SBF2: variants seen among roughly 807,000 people sequenced by gnomAD.
SBF2 encodes SET binding factor 2.
SBF2 carries 112 observed loss-of-function variants against 225.2 expected under a neutral mutation model. The ratio of observed to expected loss-of-function variants is 0.50; its 90% CI spans 0.43 to 0.58. The LOEUF (loss-of-function observed/expected upper bound fraction) is 0.58. Among genes scored for constraint, SBF2 ranks in the 20% least tolerant of loss-of-function variants. SBF2 has a pLI of 0.00. For synonymous variants in SBF2, 763 were observed against 773.3 expected, an observed-to-expected ratio of 0.99 and a Z score of 0.22; for missense variants, 1,996 against 2,206.2, an observed-to-expected ratio of 0.90 and a Z score of 1.91.
intron 31 of SBF2, 61 bp from the exon 32 acceptor site, chr11:9,808,246 G>A: frequency 7.1e-7 from 1 of 1,413,924 alleles, no homozygotes; most frequent in Non-Finnish European, 9.9e-7. Flanking sequence ...CTATTACTAA[G>A]ATAAAAGCAC....
intron 16 of SBF2, among the ~76,000 whole-genome samples, chr11:9,947,986 A>G (rs988993275): frequency 3.3e-5 from 5 of 152,218 alleles, no homozygotes; most frequent in Non-Finnish European, 4.4e-5. Flanking sequence ...TTGCATACTC[A>G]TGTTCATAGC....
intron 2 of SBF2, among the ~76,000 whole-genome samples, chr11:10,140,294 T>C (rs1409781746): frequency 6.6e-6 from 1 of 152,172 alleles, no homozygotes; most frequent in Non-Finnish European, 1.5e-5. Context: ...GAACCAACAA[T>C]ATGATTAGAG....
intron 26 of SBF2, among the ~76,000 whole-genome samples, chr11:9,836,772 A>G (rs770305536): frequency 3.3e-5 from 5 of 152,148 alleles, no homozygotes; most frequent in Non-Finnish European, 5.9e-5. Flanking sequence ...TATTCCATGT[A>G]GAGGTCTTGC....
At chr11:9,921,853 AC>A (rs1863657009) in intron 16 of SBF2, among the ~76,000 whole-genome samples, 1 of 152,230 alleles carries the variant, frequency 6.6e-6, no homozygotes, top group African/African-American at 2.4e-5. Flanking sequence ...AAGCAGGCTT[AC>A]CTATAGCTAA....
At chr11:10,216,350 CTGA>C in intron 1 of SBF2, among the ~76,000 whole-genome samples, 1 of 152,338 alleles carries the variant, frequency 6.6e-6, no homozygotes, top group South Asian at 2.1e-4. Context: ...CTCTCACCAA[CTGA>C]TGTTACCTAG....
chr11:10,283,525 A>C (rs888008894), intron 1 of SBF2, among the ~76,000 whole-genome samples: 1 of 152,174 alleles, frequency 6.6e-6, no homozygotes, highest in Non-Finnish European at 1.5e-5. Context: ...AAACAGACTG[A>C]TATGAAAAAA....
At chr11:10,144,251 G>C (rs985361927) in intron 2 of SBF2, among the ~76,000 whole-genome samples, 1 of 152,162 alleles carries the variant, frequency 6.6e-6, no homozygotes, top group Non-Finnish European at 1.5e-5. Context: ...ACTTTGGGAG[G>C]CAGAAGTGGG....
chr11:10,078,205 G>A (rs1349495707), intron 2 of SBF2, among the ~76,000 whole-genome samples: 1 of 152,196 alleles, frequency 6.6e-6, no homozygotes, highest in East Asian at 1.9e-4. Context: ...TTCAACCATT[G>A]TGGAAGACAG....
intron 2 of SBF2, among the ~76,000 whole-genome samples, chr11:10,172,004 C>T (rs994240796): frequency 1.3e-5 from 2 of 152,014 alleles, no homozygotes; most frequent in Admixed American, 1.3e-4. Context: ...TCTTTTTAAT[C>T]TCTGGTTTTA....
At chr11:10,199,504 T>C (rs753169504) in intron 1 of SBF2, among the ~76,000 whole-genome samples, 1 of 150,770 alleles carries the variant, frequency 6.6e-6, no homozygotes, top group Non-Finnish European at 1.5e-5. Context: ...AATCTTCAAT[T>C]TGTTAAAACA....
chr11:9,941,220 T>C (rs1481470037), intron 16 of SBF2, among the ~76,000 whole-genome samples: 1 of 151,910 alleles, frequency 6.6e-6, no homozygotes, highest in African/African-American at 2.4e-5. Flanking sequence ...GAGAGTGAGG[T>C]GGGAGGATCA....
chr11:10,217,643 G>A (rs1469051658), intron 1 of SBF2, among the ~76,000 whole-genome samples: 1 of 152,090 alleles, frequency 6.6e-6, no homozygotes, highest in Non-Finnish European at 1.5e-5. Context: ...GCCTCTATCA[G>A]AGGCCAAACT....
chr11:9,873,454 C>G (rs1234316108), intron 17 of SBF2, among the ~76,000 whole-genome samples: 1 of 152,120 alleles, frequency 6.6e-6, no homozygotes, highest in Non-Finnish European at 1.5e-5. Context: ...AGAAGATCCA[C>G]TTAATATGTA....
chr11:10,080,197 G>A (rs766905478), intron 2 of SBF2, among the ~76,000 whole-genome samples: 2 of 142,388 alleles, frequency 1.4e-5, no homozygotes, highest in Admixed American at 7.5e-5. Context: ...GCAGTGAGCC[G>A]AGGTCACACC....
At chr11:9,995,132 G>A (rs1947636837) in intron 9 of SBF2, among the ~76,000 whole-genome samples, 1 of 151,982 alleles carries the variant, frequency 6.6e-6, no homozygotes, top group African/African-American at 2.4e-5. Flanking sequence ...CTATGTCACA[G>A]AAGTGCAAAA....
intron 16 of SBF2, among the ~76,000 whole-genome samples, chr11:9,920,182 ATGTG>A (rs137939953): frequency 5.6e-4 from 82 of 147,158 alleles, no homozygotes; most frequent in African/African-American, 1.1e-3. Context: ...CAAATACTAT[ATGTG>A]TGTGTGTGTG....
rs544833009 is a variant in SBF2, at chr11:10,255,154, A to C, written c.55+38861T>G. ...TTCAGTTAGCCAAAAGAAAAAGTTC[A>C]AGAGAACTATTGTATGTCATGGGGA... On this transcript the variant is annotated intron_variant, in intron 1 of 39. Coordinates refer to ENST00000256190, the MANE Select transcript of SBF2 (RefSeq NM_030962.4). Among the ~76,000 whole-genome samples, 4 of 152,154 alleles carry C rather than the reference A, an allele frequency of 2.6e-5. No individual in the cohort carries two copies. The East Asian group carries it at 7.7e-4, about 29-fold the overall frequency.
chr11:10,070,956 CTGTT>C (rs1188698601), intron 2 of SBF2, among the ~76,000 whole-genome samples: 3 of 152,044 alleles, frequency 2.0e-5, no homozygotes, highest in Non-Finnish European at 2.9e-5. Flanking sequence ...GTTTGGCTCT[CTGTT>C]TGTCTGTTAT....
chr11:9,879,462 T>C (rs1176360539), intron 17 of SBF2, among the ~76,000 whole-genome samples: 1 of 152,192 alleles, frequency 6.6e-6, no homozygotes, highest in Non-Finnish European at 1.5e-5. Context: ...TAATCAAGTA[T>C]GCCCTGTGAC....
Sources: gnomAD v4.1 joint callset for allele counts (sites outside exome capture counted in the v4.1 genomes callset) on GRCh38, gnomAD v4.1.1 for gene constraint, MANE v1.5 for transcripts, NCBI Gene and HGNC (gene_info 2026-07-23, HGNC 2026-07-21) for gene names.